HMGB1: variants seen among roughly 807,000 people sequenced by gnomAD.
HMGB1 encodes high mobility group protein B1.
For synonymous variants in HMGB1, 81 were observed against 84.0 expected (o/e 0.96, Z 0.19); for missense variants, 79 against 253.5 (o/e 0.31, Z 4.67).
intron 1 of HMGB1, among the ~76,000 whole-genome samples, chr13:30,538,236 TC>T (rs543250747): frequency 1.2e-4 from 19 of 152,232 alleles, no homozygotes; most frequent in Non-Finnish European, 2.6e-4. Context: ...TGTGTTTCCA[TC>T]CGACTGACAG....
intron 1 of HMGB1, among the ~76,000 whole-genome samples, chr13:30,519,760 C>T (rs1195283327): frequency 6.6e-6 from 1 of 151,822 alleles, no homozygotes; most frequent in Admixed American, 6.6e-5. Context: ...GAAAACAGTT[C>T]CTGCCACCCT....
At chr13:30,601,938 T>C (rs1474987926) in intron 1 of HMGB1, among the ~76,000 whole-genome samples, 1 of 152,132 alleles carries the variant, frequency 6.6e-6, no homozygotes, top group African/African-American at 2.4e-5. Flanking sequence ...CAGTTTTTGC[T>C]TTTGCCCTCT....
chr13:30,465,268 C>CT, intron 1 of HMGB1: 1 of 147,324 alleles, frequency 6.8e-6, no homozygotes, highest in African/African-American at 2.6e-5. Flanking sequence ...GCGCCGCCCT[C>CT]GCCCGCCGCG....
At chr13:30,462,208 T>C (rs1886391112) in intron 4 of HMGB1, 1 of 363,394 alleles carries the variant, frequency 2.8e-6, no homozygotes, top group African/African-American at 2.1e-5. Flanking sequence ...TATATTACTT[T>C]GTCTAGCCTG....
chr13:30,478,591 A>G (rs1287780258), intron 1 of HMGB1, among the ~76,000 whole-genome samples: 1 of 152,228 alleles, frequency 6.6e-6, no homozygotes. Context: ...AGTATGTATG[A>G]ATCCAGAAAA....
intron 1 of HMGB1, among the ~76,000 whole-genome samples, chr13:30,557,468 G>T (rs578079500): frequency 6.6e-6 from 1 of 152,286 alleles, no homozygotes; most frequent in South Asian, 2.1e-4. Flanking sequence ...GCCTCCAAGG[G>T]TCAAAACCAT....
At chr13:30,491,660 C>CAA (rs71093072) in intron 1 of HMGB1, among the ~76,000 whole-genome samples, 22 of 120,120 alleles carry the variant, frequency 1.8e-4, no homozygotes, top group Admixed American at 6.0e-4. Context: ...GACCCTATCT[C>CAA]AAAAAAAAAA....
At chr13:30,607,476 C>T (rs1286307875) in intron 1 of HMGB1, among the ~76,000 whole-genome samples, 5 of 152,214 alleles carry the variant, frequency 3.3e-5, no homozygotes, top group Non-Finnish European at 7.3e-5. Flanking sequence ...CCTTGCTTCC[C>T]CTTTGCCTTC....
chr13:30,584,790 C>T (rs1046416486), intron 1 of HMGB1, among the ~76,000 whole-genome samples: 3 of 152,172 alleles, frequency 2.0e-5, no homozygotes, highest in Non-Finnish European at 4.4e-5. Flanking sequence ...ACAATTAACA[C>T]AATTTTATCT....
chr13:30,472,510 A>G (rs1886969714), intron 1 of HMGB1, among the ~76,000 whole-genome samples: 1 of 152,210 alleles, frequency 6.6e-6, no homozygotes, highest in Non-Finnish European at 1.5e-5. Context: ...CTGAGGCATG[A>G]GAATCGCTTG....
At chr13:30,558,849 G>A (rs1386286243) in intron 1 of HMGB1, among the ~76,000 whole-genome samples, 1 of 152,092 alleles carries the variant, frequency 6.6e-6, no homozygotes, top group African/African-American at 2.4e-5. Flanking sequence ...AGAAACTCTG[G>A]GAGTAGGGCC....
At chr13:30,585,633 G>A (rs970846684) in intron 1 of HMGB1, among the ~76,000 whole-genome samples, 2 of 151,322 alleles carry the variant, frequency 1.3e-5, no homozygotes, top group African/African-American at 4.9e-5. Flanking sequence ...AGCCAAGATC[G>A]AACTCCAGCC....
Position 30,458,397 on chromosome 13 carries a change from T to C in HMGB1, c.*2960A>G, listed in dbSNP as rs1174031817. On this transcript the variant is annotated 3_prime_UTR_variant, in exon 5 of 5. Transcript: ENST00000341423. Reference sequence around the variant, plus strand: ...CAGGCTGGAGTGCAGTGGCACAATCTCGGCTCACTGCAACCTCCGCCTCCC... The same window carrying C: ...CAGGCTGGAGTGCAGTGGCACAATCCCGGCTCACTGCAACCTCCGCCTCCC... 6.8e-6 allele frequency: 1 copy of C among 147,208 alleles called. No individual in the cohort carries two copies. The highest frequency in any genetic ancestry group is 2.1e-4 in the East Asian group (1 of 4,860). 9.1% of individuals were successfully genotyped at this position (147,208 alleles called of 1,614,324 possible).
intron 1 of HMGB1, among the ~76,000 whole-genome samples, chr13:30,573,034 A>G (rs1484534254): frequency 6.6e-6 from 1 of 152,236 alleles, no homozygotes; most frequent in Admixed American, 6.5e-5. Flanking sequence ...TAATTAAGTT[A>G]TAATTGTAAC....
intron 1 of HMGB1, among the ~76,000 whole-genome samples, chr13:30,531,635 C>T (rs1057483219): frequency 5.9e-5 from 9 of 151,978 alleles, no homozygotes; most frequent in African/African-American, 2.2e-4. Flanking sequence ...TGCGGTGGCT[C>T]ACGCCTGTAA....
chr13:30,600,464 A>T (rs1045276675), intron 1 of HMGB1, among the ~76,000 whole-genome samples: 3 of 152,370 alleles, frequency 2.0e-5, no homozygotes, highest in Admixed American at 2.0e-4. Context: ...CGAGAACAGT[A>T]AGAAGAACGT....
At chr13:30,466,751 C>A (rs1180069841), upstream of HMGB1, among the ~76,000 whole-genome samples, 1 of 152,158 alleles carries the variant, frequency 6.6e-6, no homozygotes, top group African/African-American at 2.4e-5. Flanking sequence ...AATTAAAGAA[C>A]AGCCACTTGG....
chr13:30,552,445 A>T (rs1416566240), intron 1 of HMGB1, among the ~76,000 whole-genome samples: 1 of 152,116 alleles, frequency 6.6e-6, no homozygotes, highest in Non-Finnish European at 1.5e-5. Context: ...CAGTTGGCTG[A>T]CTTCTATTTA....
rs60691018 is a variant in HMGB1 at position 30,500,536 on chromosome 13, AT to A, written c.-14-36843del. Among the ~76,000 whole-genome samples the A allele has an allele frequency of 2.6e-3, 328 of 128,428 alleles. 2 individuals are homozygous for A. Among genetic ancestry groups the A allele is most frequent in the Middle Eastern group, 0.011 (3 of 266 alleles). The allele number at this position is 128,428 out of a possible 152,430, so 84.3% of individuals were successfully genotyped here. A position where few individuals can be genotyped will look rare whatever the true frequency, so the allele number is the denominator to read the frequency against. ...ATGTGTGTGCTCCCTCACCTGGCTA[AT>A]TTTTTTTTTTTTTTTTTTTTTTGAG... On this transcript the variant is annotated intron_variant, in intron 1 of 4. Coordinates refer to the HMGB1 transcript ENST00000405805.
Sources: gnomAD v4.1 joint callset for allele counts (sites outside exome capture counted in the v4.1 genomes callset) on GRCh38, gnomAD v4.1.1 for gene constraint, MANE v1.5 for transcripts, NCBI Gene and HGNC (gene_info 2026-07-23, HGNC 2026-07-21) for gene names.